ZFHX2: variants seen among roughly 807,000 people sequenced by gnomAD.
The protein encoded by ZFHX2 is zinc finger homeobox protein 2.
In ZFHX2, 75 loss-of-function variants were observed where a neutral mutation model predicts 164.8. The observed-to-expected ratio is 0.46, with a 90% CI of 0.38 to 0.55. The LOEUF (loss-of-function observed/expected upper bound fraction) is 0.55. Ranked by LOEUF, ZFHX2 falls within the 20% of genes least tolerant of loss-of-function variation. The pLI, the probability that ZFHX2 is intolerant of heterozygous loss-of-function variation, is 0.00. For synonymous variants in ZFHX2, 1,217 were observed against 1,351.4 expected (o/e 0.90, Z 2.18); for missense variants, 2,933 against 3,308.0 (o/e 0.89, Z 2.78).
chr14:23,531,818 C>T (rs1444520309), intron 3 of ZFHX2, 97 bp from the exon 4 acceptor site: 2 of 1,253,124 alleles, frequency 1.6e-6, no homozygotes, highest in East Asian at 6.2e-5. Context: ...TGCCCTGTTG[C>T]CCAGGCTGGA....
In ZFHX2 at chr14:23,521,727, C is replaced by A; in HGVS notation, c.*235G>T. The A allele has an allele frequency of 1.5e-6, 1 of 659,744 alleles. No individual in the cohort carries two copies. The highest frequency in any genetic ancestry group is 2.4e-6 in the Non-Finnish European group (1 of 416,058). The allele number at this position is 659,744 out of a possible 1,614,324, so 40.9% of individuals were successfully genotyped here. On this transcript the variant is annotated 3_prime_UTR_variant, in exon 10 of 10. Coordinates refer to ENST00000419474, the MANE Select transcript of ZFHX2 (RefSeq NM_033400.3). ...TGTCTGTGAAGATGGGCAAGGGCTA[C>A]ATCTGCAAGGAGCTGAGGAGGAGGA...
rs570276773 is a variant in ZFHX2, at chr14:23,533,109, G to A, written c.2042-25C>T. 19 of 1,488,992 alleles carry A rather than the reference G, an allele frequency of 1.3e-5. No individual in the cohort carries two copies. In the African/African-American group the frequency reaches 2.6e-4, roughly 21 times the overall value. 92.2% of individuals were successfully genotyped at this position (1,488,992 alleles called of 1,614,324 possible). ...GCTAGAGGACAGAGACAGATTAGTG[G>A]CCCAAGAAAGAAATGGGGCACGGTT... On this transcript the variant is annotated intron_variant, in intron 2 of 9. Coordinates refer to ENST00000419474, the MANE Select transcript of ZFHX2 (RefSeq NM_033400.3). This position sits in a 1 kb window ranked among gnomAD's most constrained non-coding sequence, Gnocchi z 4.8.
upstream of ZFHX2, among the ~76,000 whole-genome samples, chr14:23,553,719 C>A (rs146242388): frequency 8.9e-3 from 1,336 of 150,678 alleles, 22 homozygotes; most frequent in African/African-American, 0.031. Flanking sequence ...AGGGTAAAAC[C>A]CCATCTCTAC....
At position 23,535,977 on chromosome 14, in the gene ZFHX2, G is replaced by A. The variant is rs573635530; in HGVS notation, c.-49-603C>T. ...GTACCAACATTTATCCAGTGGCTTA[G>A]ACTAAAAACCCAAAGTTTTATCTTG... On this transcript the variant is annotated intron_variant, in intron 1 of 9. Transcript: ENST00000419474. The surrounding 1 kb of genome is among the most constrained non-coding windows in gnomAD (Gnocchi z 4.5). 2.6e-5 allele frequency among the ~76,000 whole-genome samples: 4 copies of A among 152,256 alleles called. No individual in the cohort carries two copies. The South Asian group carries it at 8.3e-4, about 32-fold the overall frequency.
At chr14:23,532,394 T>A in intron 3 of ZFHX2, 173 bp downstream of exon 3, 1 of 761,488 alleles carries the variant, frequency 1.3e-6, no homozygotes, top group Non-Finnish European at 1.9e-6. Flanking sequence ...TTTGGTCTCT[T>A]TCTCCATGTC....
Position 23,523,440 on chromosome 14 carries a change from G to C in ZFHX2, c.6502C>G (p.Arg2168Gly). ...TCCTTGAGCTTGGCCAGGTGCTGAC[G>C]GGAAAAGAGATGGCCTCGGCAGGAG... ...YVSCRGHLFS[R>G]QHLAKLKEAV... Residue 2168 changes from arginine to glycine, a missense_variant, in exon 9 of 10, where the codon CGT (arginine) becomes GGT (glycine). Arg to Gly is a moderately radical substitution (Grantham distance 125). Transcript: ENST00000419474. This position sits in a 1 kb window ranked among gnomAD's most constrained non-coding sequence, Gnocchi z 4.1. 7 of 1,535,308 alleles carry C rather than the reference G, an allele frequency of 4.6e-6. No homozygotes were observed. Among genetic ancestry groups the C allele is most frequent in the Non-Finnish European group, 6.1e-6 (7 of 1,146,418 alleles).
chr14:23,538,679 C>G (rs1379071817), intron 1 of ZFHX2, among the ~76,000 whole-genome samples: 1 of 152,054 alleles, frequency 6.6e-6, no homozygotes, highest in South Asian at 2.1e-4. Context: ...AGAGACAAGG[C>G]GACCCCTGAA....
rs1879793077 is a variant in ZFHX2, at chr14:23,533,290, G to A, written c.2036C>T (p.Thr679Ile). Residue 679 changes from threonine (T) to isoleucine (I), a missense_variant, in exon 2 of 10, where the codon ACA (threonine) becomes ATA (isoleucine). Physicochemically the swap from Thr to Ile is moderately conservative, Grantham distance 89. Coordinates refer to ENST00000419474, the MANE Select transcript of ZFHX2 (RefSeq NM_033400.3). The surrounding 1 kb of genome is among the most constrained non-coding windows in gnomAD (Gnocchi z 4.8). Reference protein sequence around the residue: ...HVGAPARKFPTSAPGSLSPDA... With the variant: ...HVGAPARKFPISAPGSLSPDA... ...GAAGAAGCACAGAAGCTTACCGGAT[G>A]TGGGGAACTTGCGGGCAGGTGCTCC... is the stretch of plus-strand genomic sequence containing the variant. 7.0e-7 allele frequency: 1 copy of A among 1,437,056 alleles called. No homozygotes were observed. Among genetic ancestry groups the A allele is most frequent in the Non-Finnish European group, 9.1e-7 (1 of 1,099,732 alleles). The allele number at this position is 1,437,056 out of a possible 1,614,324, so 89.0% of individuals were successfully genotyped here.
rs1316271148 is a variant in ZFHX2 at position 23,526,408 on chromosome 14, G to T, written c.3534C>A (p.Asn1178Lys). Residue 1178 changes from asparagine (N) to lysine (K), a missense_variant, in exon 9 of 10, where the codon AAC becomes AAA. By Grantham distance (94) the Asn-to-Lys change is moderately conservative. Coordinates refer to ENST00000419474, the MANE Select transcript of ZFHX2 (RefSeq NM_033400.3). ...GGTCGAGAAACTTGTCCAGGGCAAA[G>T]TTGGTGGTTTTCCGATAGGTCAGAG... Reference protein sequence around the residue: ...RHPLTYRKTTNFALDKFLDPA... With the variant: ...RHPLTYRKTTKFALDKFLDPA... 1.1e-5 allele frequency: 17 copies of T among 1,536,318 alleles called. No individual in the cohort carries two copies. The highest frequency in any genetic ancestry group is 1.5e-5 in the Non-Finnish European group (17 of 1,146,792).
Position 23,523,384 on chromosome 14 carries a change from G to A in ZFHX2, c.6558C>T (p.Ser2186=), listed in dbSNP as rs1878295297. ...GTGCTGGGGCCAAGTCGTAGCACTT[G>A]CTTTCACTCTTCAGCTGGGCTCGAA... ...EAVRAQLKSE[S]KCYDLAPAPE... Residue 2186 remains serine, a synonymous_variant, in exon 9 of 10, where the codon AGC becomes AGT. Transcript: ENST00000419474. The surrounding 1 kb of genome is among the most constrained non-coding windows in gnomAD (Gnocchi z 4.1). The A allele has an allele frequency of 6.7e-7, 1 of 1,499,598 alleles. No individual in the cohort carries two copies. The highest frequency in any genetic ancestry group is 8.9e-7 in the Non-Finnish European group (1 of 1,128,344). The allele number at this position is 1,499,598 out of a possible 1,614,324, so 92.9% of individuals were successfully genotyped here. A position where few individuals can be genotyped will look rare whatever the true frequency, so the allele number is the denominator to read the frequency against.
chr14:23,527,639 C>A lies in ZFHX2; in HGVS notation c.3100G>T (p.Val1034Leu), dbSNP rs768651118. The stretch of plus-strand genomic sequence containing the variant: ...AGCTTCTCAACGCACTCGGGCACCA[C>A]GTTGTGAAGGTGGCTAAGGTGGAAG... ...LHFHLSHLHN[V>L]VPECVEKLLL... Residue 1034 changes from valine to leucine, a missense_variant, in exon 7 of 10, where the codon GTG becomes TTG. Coordinates refer to ENST00000419474, the MANE Select transcript of ZFHX2 (RefSeq NM_033400.3). 6.5e-7 allele frequency: 1 copy of A among 1,536,420 alleles called. No individual in the cohort carries two copies. Among genetic ancestry groups the A allele is most frequent in the African/African-American group, 1.4e-5 (1 of 73,056 alleles).
Position 23,524,830 on chromosome 14 carries a change from C to T in ZFHX2, c.5112G>A (p.Glu1704=). The T allele has an allele frequency of 6.5e-7, 1 of 1,537,054 alleles. No individual in the cohort carries two copies. Among genetic ancestry groups the T allele is most frequent in the East Asian group, 2.4e-5 (1 of 40,970 alleles). Residue 1704 remains glutamate, a synonymous_variant, in exon 9 of 10, where the codon GAG becomes GAA. Coordinates refer to ENST00000419474, the MANE Select transcript of ZFHX2 (RefSeq NM_033400.3). This position sits in a 1 kb window ranked among gnomAD's most constrained non-coding sequence, Gnocchi z 5.6. ...DDQTLEEEEE[E]AERGEEEEEV... is the part of the protein sequence containing the mutation. ...CTTCCTCCTCTTCCCCTCTCTCTGC[C>T]TCTTCCTCCTCCTCTTCAAGGGTCT...
At chr14:23,555,443 A>G (rs1882284527), upstream of ZFHX2, among the ~76,000 whole-genome samples, 2 of 152,002 alleles carry the variant, frequency 1.3e-5, no homozygotes, top group East Asian at 3.9e-4. Context: ...CTTACGTACC[A>G]CCCAGGTGCT....
Position 23,533,297 on chromosome 14 carries a change from A to G in ZFHX2, c.2029T>C (p.Phe677Leu). 7.0e-7 allele frequency: 1 copy of G among 1,436,636 alleles called. No homozygotes were observed. The allele number at this position is 1,436,636 out of a possible 1,614,324, so 89.0% of individuals were successfully genotyped here. A position where few individuals can be genotyped will look rare whatever the true frequency, so the allele number is the denominator to read the frequency against. The change falls in exon 2 of 10, where the codon TTC becomes CTC. Residue 677 changes from phenylalanine (F) to leucine (L), a missense_variant. Physicochemically the swap from Phe to Leu is conservative, Grantham distance 22 (BLOSUM62 0). Coordinates refer to ENST00000419474, the MANE Select transcript of ZFHX2 (RefSeq NM_033400.3). The surrounding 1 kb of genome is among the most constrained non-coding windows in gnomAD (Gnocchi z 4.8). ...CACAGAAGCTTACCGGATGTGGGGA[A>G]CTTGCGGGCAGGTGCTCCTACGTGG... is the stretch of plus-strand genomic sequence containing the variant. ...FHHVGAPARK[F>L]PTSAPGSLSP...
At chr14:23,550,566 A>G (rs941248732) in intron 1 of ZFHX2, among the ~76,000 whole-genome samples, 2 of 152,212 alleles carry the variant, frequency 1.3e-5, no homozygotes, top group Non-Finnish European at 2.9e-5. Flanking sequence ...CAGCAAAACC[A>G]AAAGTCAGGG....
intron 4 of ZFHX2, chr14:23,531,203 ACTC>A (rs1330454613): frequency 3.1e-6 from 1 of 320,906 alleles, no homozygotes; most frequent in East Asian, 5.3e-5. Context: ...ACTAGTCACT[ACTC>A]AGAATCACTG....
chr14:23,524,314 G>C lies in ZFHX2; in HGVS notation c.5628C>G (p.Tyr1876Ter). ...PEQLEILYRW[Y>*]MQDSNPTRKM... Reference sequence around the variant, plus strand: ...TGCGTGTTGGGTTGGAATCCTGCATGTACCAACGGTACAGGATCTCTAGCT... The same window carrying C: ...TGCGTGTTGGGTTGGAATCCTGCATCTACCAACGGTACAGGATCTCTAGCT... The change falls in exon 9 of 10, where the codon TAC becomes TAG. Residue 1876 changes from tyrosine (Y) to a stop codon, truncating the protein, a stop_gained. Coordinates refer to ENST00000419474, the MANE Select transcript of ZFHX2 (RefSeq NM_033400.3). LOFTEE classifies it high-confidence loss of function. The surrounding 1 kb of genome is among the most constrained non-coding windows in gnomAD (Gnocchi z 5.6). The C allele has an allele frequency of 6.5e-7, 1 of 1,536,354 alleles. No homozygotes were observed. The highest frequency in any genetic ancestry group is 8.7e-7 in the Non-Finnish European group (1 of 1,146,956).
rs1878470185 is a variant in ZFHX2, at chr14:23,524,615, A to ATGG, written c.5324_5326dup (p.Ala1775_Ile1776insThr). 3 of 1,536,210 alleles carry ATGG rather than the reference A, an allele frequency of 2.0e-6. No homozygotes were observed. The highest frequency in any genetic ancestry group is 2.6e-6 in the Non-Finnish European group (3 of 1,146,888). On this transcript the variant is annotated inframe_insertion, in exon 9 of 10. Transcript: ENST00000419474. This position sits in a 1 kb window ranked among gnomAD's most constrained non-coding sequence, Gnocchi z 5.6. Reference sequence around the variant, plus strand: ...CAGGAGGTCCTGGCTGGAGAAAGAAATGGCACACTGGTCACAGGTATGGGC... The same window carrying ATGG: ...CAGGAGGTCCTGGCTGGAGAAAGAAATGGTGGCACACTGGTCACAGGTATGGGC...
At position 23,529,329 on chromosome 14, in the gene ZFHX2, C is replaced by T. The variant is rs573663818; in HGVS notation, c.2934+381G>A. Reference sequence around the variant, plus strand: ...AGGGCGTTTTGTAGGGTAGGAACACCGGTGTCTTGTCTTTCTGCTCCTAAC... The same window carrying T: ...AGGGCGTTTTGTAGGGTAGGAACACTGGTGTCTTGTCTTTCTGCTCCTAAC... On this transcript the variant is annotated intron_variant, in intron 6 of 9. Transcript: ENST00000419474. The T allele has an allele frequency of 1.2e-3, 289 of 233,910 alleles. 1 individual carries two copies. Among genetic ancestry groups the T allele is most frequent in the Non-Finnish European group, 1.9e-3 (220 of 118,642 alleles). 14.5% of individuals were successfully genotyped at this position (233,910 alleles called of 1,614,324 possible). A position where few individuals can be genotyped will look rare whatever the true frequency, so the allele number is the denominator to read the frequency against.
Sources: gnomAD v4.1 joint callset for allele counts (sites outside exome capture counted in the v4.1 genomes callset) on GRCh38, gnomAD v4.1.1 for gene constraint, Gnocchi (gnomAD v3.1) non-coding constraint, MANE v1.5 for transcripts, NCBI Gene and HGNC (gene_info 2026-07-23, HGNC 2026-07-21) for gene names.